Variants in PDE4D observed in about 807,000 individuals in gnomAD.
PDE4D encodes the protein phosphodiesterase 4D.
PDE4D carries 24 observed loss-of-function variants against 87.4 expected under a neutral mutation model. That is an observed-to-expected ratio of 0.27 (90% CI 0.20 to 0.39). The LOEUF (loss-of-function observed/expected upper bound fraction) is 0.39, where lower values mean the gene tolerates loss of function less well. PDE4D is among the 10% of genes least tolerant of loss of function. The probability of loss-of-function intolerance (pLI) is 1.00; values close to 1 mark genes in which losing one functional copy is unlikely to be tolerated. For missense variants in PDE4D, 714 were observed against 1,041.0 expected (o/e 0.69, Z 4.32); for synonymous variants, 384 against 383.2 (o/e 1.00, Z -0.02).
chr5:59,991,896 G>T (rs567200788), intron 2 of PDE4D, among the ~76,000 whole-genome samples: 1 of 152,248 alleles, frequency 6.6e-6, no homozygotes, highest in East Asian at 1.9e-4. Flanking sequence ...ACAAAGTATT[G>T]TTCCTGGGTG....
chr5:60,469,425 C>T (rs1747650665), intron 1 of PDE4D, among the ~76,000 whole-genome samples: 1 of 152,156 alleles, frequency 6.6e-6, no homozygotes, highest in Non-Finnish European at 1.5e-5. Flanking sequence ...TTAGTGACTG[C>T]ATACATCACA....
intron 6 of PDE4D, among the ~76,000 whole-genome samples, chr5:58,994,424 A>G (rs901165165): frequency 6.6e-6 from 1 of 152,108 alleles, no homozygotes; most frequent in African/African-American, 2.4e-5. Flanking sequence ...CCTTTTAATA[A>G]GCCTTTAATA....
intron 1 of PDE4D, chr5:59,586,278 G>T: frequency 7.3e-7 from 1 of 1,372,724 alleles, no homozygotes; most frequent in Non-Finnish European, 1.0e-6. Context: ...ACCTGTCACG[G>T]AATTTGATAA....
At chr5:59,989,618 T>C (rs1484455061) in intron 2 of PDE4D, among the ~76,000 whole-genome samples, 1 of 152,090 alleles carries the variant, frequency 6.6e-6, no homozygotes, top group Non-Finnish European at 1.5e-5. Flanking sequence ...TGTATTTAAG[T>C]CACAGCTCAG....
intron 1 of PDE4D, among the ~76,000 whole-genome samples, chr5:59,502,549 A>G (rs1421867608): frequency 6.6e-6 from 1 of 152,044 alleles, no homozygotes; most frequent in Non-Finnish European, 1.5e-5. Context: ...AAAAAAAGAC[A>G]TTTTATTCAC....
At chr5:59,380,023 AC>A (rs1251834911) in intron 1 of PDE4D, among the ~76,000 whole-genome samples, 2 of 152,020 alleles carry the variant, frequency 1.3e-5, no homozygotes, top group East Asian at 1.9e-4. Flanking sequence ...GTCTACTGTT[AC>A]CATCTTTGTG....
At chr5:59,360,412 A>G (rs1782026176) in intron 1 of PDE4D, among the ~76,000 whole-genome samples, 1 of 152,182 alleles carries the variant, frequency 6.6e-6, no homozygotes, top group Non-Finnish European at 1.5e-5. Flanking sequence ...ACTCAAAGCC[A>G]GCAGAAGTTA....
chr5:60,108,067 T>C (rs1777219554), intron 2 of PDE4D, among the ~76,000 whole-genome samples: 1 of 152,030 alleles, frequency 6.6e-6, no homozygotes, highest in South Asian at 2.1e-4. Context: ...GGAAGTCAAA[T>C]TGTCCCTGTT....
chr5:60,249,497 A>C (rs1452549827), intron 1 of PDE4D, among the ~76,000 whole-genome samples: 1 of 152,040 alleles, frequency 6.6e-6, no homozygotes, highest in Non-Finnish European at 1.5e-5. Context: ...TGTTTTAAAA[A>C]ATCCTAACAT....
chr5:59,478,923 C>T (rs1803768216), intron 1 of PDE4D, among the ~76,000 whole-genome samples: 1 of 151,928 alleles, frequency 6.6e-6, no homozygotes, highest in Non-Finnish European at 1.5e-5. Flanking sequence ...CACAGTATAA[C>T]ATTTTAGTAA....
intron 1 of PDE4D, among the ~76,000 whole-genome samples, chr5:60,344,633 C>A (rs1043622173): frequency 1.4e-4 from 22 of 152,086 alleles, no homozygotes; most frequent in African/African-American, 5.3e-4. Flanking sequence ...CACCAACTAC[C>A]TCAGTCTTAT....
At chr5:60,145,206 C>G (rs893260312) in intron 2 of PDE4D, among the ~76,000 whole-genome samples, 1 of 152,074 alleles carries the variant, frequency 6.6e-6, no homozygotes, top group African/African-American at 2.4e-5. Flanking sequence ...CCACTGAAAT[C>G]ACTATAATTC....
intron 5 of PDE4D, among the ~76,000 whole-genome samples, chr5:59,047,813 TG>T (rs1760943072): frequency 6.6e-6 from 1 of 152,196 alleles, no homozygotes; most frequent in Non-Finnish European, 1.5e-5. Flanking sequence ...GGAGCCCTCA[TG>T]AATTAGATTC....
intron 2 of PDE4D, among the ~76,000 whole-genome samples, chr5:59,989,564 A>T (rs527237652): frequency 5.6e-4 from 86 of 152,248 alleles, no homozygotes; most frequent in African/African-American, 2.0e-3. Context: ...AGAGGGTAGT[A>T]AGAAAAAAAA....
intron 3 of PDE4D, among the ~76,000 whole-genome samples, chr5:59,959,603 A>G (rs1009063552): frequency 4.6e-5 from 7 of 152,272 alleles, no homozygotes; most frequent in African/African-American, 1.4e-4. Flanking sequence ...AAAAATAAGC[A>G]GGGGGGAAGG....
chr5:59,598,073 T>C (rs1826962760), intron 1 of PDE4D, among the ~76,000 whole-genome samples: 1 of 152,166 alleles, frequency 6.6e-6, no homozygotes, highest in South Asian at 2.1e-4. Context: ...AAACTATTAA[T>C]GTGAAACTGA....
At chr5:59,471,517 A>G (rs1323685156) in intron 1 of PDE4D, among the ~76,000 whole-genome samples, 4 of 152,248 alleles carry the variant, frequency 2.6e-5, no homozygotes, top group African/African-American at 9.6e-5. Flanking sequence ...GTAAAGATAA[A>G]CTATTAACTG....
At chr5:60,408,246 A>G (rs1359144067) in intron 1 of PDE4D, among the ~76,000 whole-genome samples, 1 of 152,148 alleles carries the variant, frequency 6.6e-6, no homozygotes, top group Non-Finnish European at 1.5e-5. Context: ...CATAAAAAAA[A>G]TGGTTGTTCT....
chr5:59,033,613 C>T (rs1006070171), intron 6 of PDE4D, among the ~76,000 whole-genome samples: 1 of 152,164 alleles, frequency 6.6e-6, no homozygotes, highest in African/African-American at 2.4e-5. Context: ...ATGTAACTAT[C>T]GCAGAAATCT....
Sources: gnomAD v4.1 joint callset for allele counts (sites outside exome capture counted in the v4.1 genomes callset) on GRCh38, gnomAD v4.1.1 for gene constraint, MANE v1.5 for transcripts, NCBI Gene and HGNC (gene_info 2026-07-23, HGNC 2026-07-21) for gene names.